The following PDK1 variants were observed in gnomAD, a reference collection of about 807,000 sequenced individuals.
PDK1 encodes the protein [Pyruvate dehydrogenase (acetyl-transferring)] kinase isozyme 1, mitochondrial.
A neutral mutation model predicts 54.2 loss-of-function variants in PDK1; 39 were observed. The ratio of observed to expected loss-of-function variants is 0.72; its 90% CI spans 0.56 to 0.94. The LOEUF (loss-of-function observed/expected upper bound fraction) is 0.94, where lower values mean the gene tolerates loss of function less well. Among genes scored for constraint, PDK1 ranks in the 40% least tolerant of loss-of-function variants. The probability of loss-of-function intolerance (pLI) is 0.00; values close to 1 mark genes in which losing one functional copy is unlikely to be tolerated. For synonymous variants in PDK1, 221 were observed against 207.1 expected, an observed-to-expected ratio of 1.07 and a Z score of -0.58; for missense variants, 552 against 566.0, an observed-to-expected ratio of 0.98 and a Z score of 0.25.
At chr2:172,646,080 G>C in the PDK1 span, among the ~76,000 whole-genome samples, 1 of 152,184 alleles carries the variant, frequency 6.6e-6, no homozygotes. Flanking sequence ...TAATTGCACA[G>C]TGTGCACTGC....
At chr2:172,656,050 T>G in the PDK1 span, among the ~76,000 whole-genome samples, 2,397 of 152,306 alleles carry the variant, frequency 0.016, 63 homozygotes, top group African/African-American at 0.055. Flanking sequence ...AAACATCACC[T>G]TATTTGTATA....
rs1273636309 is a variant in PDK1 at position 172,584,830 on chromosome 2, GTT to G, written c.946-1429_946-1428del. Among the ~76,000 whole-genome samples the G allele has an allele frequency of 3.1e-3, 366 of 116,448 alleles. 1 individual carries two copies. The highest frequency in any genetic ancestry group is 0.011 in the South Asian group (37 of 3,336). The allele number at this position is 116,448 out of a possible 152,430, so 76.4% of individuals were successfully genotyped here. A position where few individuals can be genotyped will look rare whatever the true frequency, so the allele number is the denominator to read the frequency against. On this transcript the variant is annotated intron_variant, in intron 8 of 10. Coordinates refer to ENST00000282077, the MANE Select transcript of PDK1 (RefSeq NM_002610.5). ...ACTACCACATCTGGGTAATTTTAAA[GTT>G]TTTTTTTTTTTTTTTTTTGTACAAA...
At chr2:172,618,094 ACT>A in the PDK1 span, among the ~76,000 whole-genome samples, 149 of 152,218 alleles carry the variant, frequency 9.8e-4, 1 homozygote, top group African/African-American at 3.3e-3. Context: ...AGTAAATGAG[ACT>A]CTGTCAGTTT....
At chr2:172,562,763 C>T in intron 3 of PDK1, 1 of 1,603,594 alleles carries the variant, frequency 6.2e-7, no homozygotes, top group Non-Finnish European at 8.5e-7. Context: ...AACATGGTTG[C>T]AGGTCTCTAG....
At chr2:172,662,687 A>C in the PDK1 span, among the ~76,000 whole-genome samples, 1 of 152,218 alleles carries the variant, frequency 6.6e-6, no homozygotes, top group Non-Finnish European at 1.5e-5. Flanking sequence ...ATAAATAAAT[A>C]AAACAAACAA....
chr2:172,722,026 T>A, the PDK1 span, among the ~76,000 whole-genome samples: 1 of 152,244 alleles, frequency 6.6e-6, no homozygotes, highest in African/African-American at 2.4e-5. Context: ...CTAGCAAATA[T>A]AAAATTGCAG....
At chr2:172,583,337 C>A (rs187210415) in intron 8 of PDK1, among the ~76,000 whole-genome samples, 298 of 133,620 alleles carry the variant, frequency 2.2e-3, no homozygotes, top group Middle Eastern at 4.8e-3. Context: ...CGCTCTGTCA[C>A]CCAGGCTAGA....
the PDK1 span, among the ~76,000 whole-genome samples, chr2:172,719,436 T>G: frequency 6.6e-6 from 1 of 152,250 alleles, no homozygotes; most frequent in Non-Finnish European, 1.5e-5. Flanking sequence ...TAGCAATGTA[T>G]GATGGTTCCA....
the PDK1 span, among the ~76,000 whole-genome samples, chr2:172,659,120 A>T: frequency 2.6e-5 from 4 of 152,186 alleles, no homozygotes; most frequent in Non-Finnish European, 4.4e-5. Flanking sequence ...TCAGGTGGGC[A>T]TCACAGTCCT....
At chr2:172,658,710 C>T in the PDK1 span, among the ~76,000 whole-genome samples, 1 of 152,120 alleles carries the variant, frequency 6.6e-6, no homozygotes, top group African/African-American at 2.4e-5. Flanking sequence ...AATGGCCGCT[C>T]TGAGAGTATC....
chr2:172,649,548 G>A, the PDK1 span, among the ~76,000 whole-genome samples: 1 of 152,098 alleles, frequency 6.6e-6, no homozygotes, highest in Non-Finnish European at 1.5e-5. Flanking sequence ...CGAGCTAAAG[G>A]AGGATGTTCG....
Position 172,570,440 on chromosome 2 carries a change from G to A in PDK1, c.847-286G>A, listed in dbSNP as rs993126161. The A allele has an allele frequency of 1.1e-5, 3 of 273,502 alleles. No homozygotes were observed. In the Admixed American group the frequency reaches 1.6e-4, roughly 14 times the overall value. The allele number at this position is 273,502 out of a possible 1,614,324, so 16.9% of individuals were successfully genotyped here. A position where few individuals can be genotyped will look rare whatever the true frequency, so the allele number is the denominator to read the frequency against. On this transcript the variant is annotated intron_variant, in intron 7 of 10. Coordinates refer to ENST00000282077, the MANE Select transcript of PDK1 (RefSeq NM_002610.5). ...CATCATTTACTAAAATTATAAAAGT[G>A]TTTGAACAGAGTTTTCTGCTTTAAT...
rs558544602 is a variant in PDK1 at position 172,592,413 on chromosome 2, G to A, written c.1057-522G>A. 2.2e-3 allele frequency among the ~76,000 whole-genome samples: 334 copies of A among 150,944 alleles called. 2 individuals carry two copies. The highest frequency in any genetic ancestry group is 7.5e-3 in the African/African-American group (310 of 41,168). On this transcript the variant is annotated intron_variant, in intron 9 of 10. Transcript: ENST00000282077. ...TCTCTCTGACTCCCTCTTTGTCCCT[G>A]TCTCTTCCTCTCTCTGTCTCTGACT...
chr2:172,680,946 C>T, the PDK1 span, among the ~76,000 whole-genome samples: 3 of 152,310 alleles, frequency 2.0e-5, no homozygotes, highest in East Asian at 5.8e-4. Flanking sequence ...ACTGTTGGCT[C>T]ATTCCTTAGC....
At chr2:172,587,621 C>T (rs1681752266) in intron 9 of PDK1, among the ~76,000 whole-genome samples, 1 of 151,874 alleles carries the variant, frequency 6.6e-6, no homozygotes, top group Non-Finnish European at 1.5e-5. Flanking sequence ...AACAAAGCTT[C>T]TACAGCCTGG....
chr2:172,629,996 G>C, the PDK1 span, among the ~76,000 whole-genome samples: 1 of 152,186 alleles, frequency 6.6e-6, no homozygotes, highest in Non-Finnish European at 1.5e-5. Context: ...TTCTAAGGAA[G>C]GTGAGAAGGA....
At chr2:172,628,195 CT>C in the PDK1 span, among the ~76,000 whole-genome samples, 2 of 152,210 alleles carry the variant, frequency 1.3e-5, no homozygotes, top group Non-Finnish European at 2.9e-5. Flanking sequence ...AAATTTACCC[CT>C]GCTTTACAAA....
At chr2:172,681,973 G>A in the PDK1 span, among the ~76,000 whole-genome samples, 88 of 152,280 alleles carry the variant, frequency 5.8e-4, 2 homozygotes, top group East Asian at 0.016. Flanking sequence ...GGCCAGGCTG[G>A]TCTTGAACCA....
At chr2:172,595,398 A>G (rs1690836195) in intron 10 of PDK1, among the ~76,000 whole-genome samples, 3 of 152,172 alleles carry the variant, frequency 2.0e-5, no homozygotes. Context: ...AAGCACAGTG[A>G]CTATGCTGAA....
Sources: gnomAD v4.1 joint callset for allele counts (sites outside exome capture counted in the v4.1 genomes callset) on GRCh38, gnomAD v4.1.1 for gene constraint, MANE v1.5 for transcripts, NCBI Gene and HGNC (gene_info 2026-07-23, HGNC 2026-07-21) for gene names.